MAP2K3: variants seen among roughly 807,000 people sequenced by gnomAD.
MAP2K3 encodes mitogen-activated protein kinase kinase 3.
A neutral mutation model predicts 46.4 loss-of-function variants in MAP2K3; 30 were observed. That is an observed-to-expected ratio of 0.65 (90% confidence interval 0.48 to 0.88). The LOEUF (loss-of-function observed/expected upper bound fraction) is 0.88, where lower values mean the gene tolerates loss of function less well. Among genes scored for constraint, MAP2K3 ranks in the 40% least tolerant of loss-of-function variants. MAP2K3 has a pLI of 0.00. For synonymous variants in MAP2K3, 189 were observed against 176.3 expected, an observed-to-expected ratio of 1.07 and a Z score of -0.57; for missense variants, 380 against 464.5, an observed-to-expected ratio of 0.82 and a Z score of 1.67.
chr17:21,311,608 C>CTGTGTGTGTGTGTGTG (rs34983762), intron 9 of MAP2K3: 1 of 143,666 alleles, frequency 7.0e-6, no homozygotes, highest in Admixed American at 7.0e-5. Context: ...TTGGAGACAG[C>CTGTGTGTGTGTGTGTG]TGTGTGTGTG....
At chr17:21,293,727 C>T (rs1402750069) in intron 1 of MAP2K3, among the ~76,000 whole-genome samples, 1 of 152,306 alleles carries the variant, frequency 6.6e-6, no homozygotes, top group African/African-American at 2.4e-5. Flanking sequence ...GTCACTCCTC[C>T]TCACCCTAGC....
chr17:21,291,666 G>A (rs1330924553), intron 1 of MAP2K3: 2 of 445,672 alleles, frequency 4.5e-6, no homozygotes, highest in Non-Finnish European at 4.5e-6. Flanking sequence ...GGAGCCTGGG[G>A]CCAGAGTCCC....
At position 21,303,212 on chromosome 17, in the gene MAP2K3, C is replaced by T; in HGVS notation, c.546C>T (p.Ser182=). Reference sequence around the variant, plus strand: ...TGCGGGCCCTGGAGCATCTGCACAGCAAGCTGTCGGTGATCCACAGAGGTC... The same window carrying T: ...TGCGGGCCCTGGAGCATCTGCACAGTAAGCTGTCGGTGATCCACAGAGGTC... ...SIVRALEHLH[S]KLSVIHRDVK... is the part of the protein sequence containing the mutation. The change falls in exon 7 of 12, where the codon AGC becomes AGT. Residue 182 remains serine (S), a synonymous_variant. Coordinates refer to ENST00000342679, the MANE Select transcript of MAP2K3 (RefSeq NM_145109.3). 6.2e-7 allele frequency: 1 copy of T among 1,614,220 alleles called. No individual in the cohort carries two copies. Among genetic ancestry groups the T allele is most frequent in the East Asian group, 2.2e-5 (1 of 44,894 alleles).
chr17:21,292,212 G>A (rs1975979460), intron 1 of MAP2K3, among the ~76,000 whole-genome samples: 2 of 152,302 alleles, frequency 1.3e-5, no homozygotes, highest in Admixed American at 6.5e-5. Flanking sequence ...TTCAGACAGA[G>A]GAGAGTGCTG....
intron 2 of MAP2K3, 123 bp downstream of exon 2, chr17:21,298,602 C>T: frequency 2.0e-6 from 3 of 1,497,486 alleles, no homozygotes; most frequent in Non-Finnish European, 2.8e-6. Flanking sequence ...TGGGCAGCCC[C>T]TGCTGTGCAT....
At chr17:21,302,382 C>G (rs1976657491) in intron 6 of MAP2K3, 123 bp downstream of exon 6, 1 of 1,103,708 alleles carries the variant, frequency 9.1e-7, no homozygotes, top group African/African-American at 1.5e-5. Context: ...CAATGTGCCC[C>G]CTGAACCTGG....
chr17:21,298,593 G>C, intron 2 of MAP2K3, 114 bp downstream of exon 2: 1 of 1,549,698 alleles, frequency 6.5e-7, no homozygotes, highest in Non-Finnish European at 8.9e-7. Context: ...GTCCTGTCCT[G>C]GGCAGCCCCT....
rs533929337 is a variant in MAP2K3 at position 21,290,091 on chromosome 17, G to A, written c.49+5122G>A. 3.3e-5 allele frequency among the ~76,000 whole-genome samples: 5 copies of A among 152,346 alleles called. 1 individual carries two copies. In the South Asian group the frequency reaches 1.0e-3, roughly 32 times the overall value. ...AAGGGCTTCCAAGGCCCGTCCCAAG[G>A]TTTACATGTGCCAGTGTGTGCGGTG... On this transcript the variant is annotated intron_variant, in intron 1 of 11. Transcript: ENST00000342679.
At chr17:21,290,267 C>T (rs1975850030) in intron 1 of MAP2K3, among the ~76,000 whole-genome samples, 1 of 152,150 alleles carries the variant, frequency 6.6e-6, no homozygotes, top group Admixed American at 6.5e-5. Flanking sequence ...CAGTTGGCAG[C>T]TGAGGCACAC....
Position 21,287,935 on chromosome 17 carries a change from G to A in MAP2K3, c.49+2966G>A, listed in dbSNP as rs926055158. The A allele has an allele frequency of 3.0e-5, 28 of 936,416 alleles. No homozygotes were observed. In the Admixed American group the frequency reaches 4.2e-4, roughly 14 times the overall value. 58.0% of individuals were successfully genotyped at this position (936,416 alleles called of 1,614,324 possible). A position where few individuals can be genotyped will look rare whatever the true frequency, so the allele number is the denominator to read the frequency against. Reference sequence around the variant, plus strand: ...GCCACCCCCCCAACCCCTGGCTGTCGGAAAGACTGGAGGTGGCACCTCGGG... The same window carrying A: ...GCCACCCCCCCAACCCCTGGCTGTCAGAAAGACTGGAGGTGGCACCTCGGG... On this transcript the variant is annotated intron_variant, in intron 1 of 11. Coordinates refer to ENST00000342679, the MANE Select transcript of MAP2K3 (RefSeq NM_145109.3).
At chr17:21,308,659 T>C (rs1182963666) in intron 9 of MAP2K3, among the ~76,000 whole-genome samples, 2 of 152,290 alleles carry the variant, frequency 1.3e-5, no homozygotes, top group Non-Finnish European at 2.9e-5. Flanking sequence ...GCAGGTGCTG[T>C]ATCTGCAATA....
rs35769673 is a variant in MAP2K3, at chr17:21,301,004, G to A, written c.399+11G>A. 3 of 291,664 alleles carry A rather than the reference G, an allele frequency of 1.0e-5. No individual in the cohort carries two copies. The highest frequency in any genetic ancestry group is 9.2e-6 in the Non-Finnish European group (2 of 217,618). The allele number at this position is 291,664 out of a possible 1,614,324, so 18.1% of individuals were successfully genotyped here. ...GCACTATTCAGAGAGGTGCGTCCTT[G>A]CATGATGCAGCTGGGGATCTCCACC... is the stretch of plus-strand genomic sequence containing the variant. On this transcript the variant is annotated intron_variant, in intron 5 of 11. Transcript: ENST00000342679.
At chr17:21,310,235 C>G (rs1977100677) in intron 9 of MAP2K3, among the ~76,000 whole-genome samples, 1 of 151,682 alleles carries the variant, frequency 6.6e-6, no homozygotes, top group African/African-American at 2.4e-5. Context: ...TCTCGAACCC[C>G]CGACCTCAAG....
intron 1 of MAP2K3, among the ~76,000 whole-genome samples, chr17:21,294,094 C>G (rs1424524540): frequency 5.9e-5 from 9 of 152,306 alleles, no homozygotes; most frequent in Non-Finnish European, 1.5e-5. Context: ...ACGCAAAAGC[C>G]TGTGCCCACT....
intron 1 of MAP2K3, among the ~76,000 whole-genome samples, chr17:21,292,949 C>A (rs55960874): frequency 3.1e-4 from 48 of 152,412 alleles, no homozygotes; most frequent in African/African-American, 1.2e-3. Context: ...GTTTCCCCAT[C>A]TGCAGCATGG....
chr17:21,290,653 A>G (rs943474094), intron 1 of MAP2K3, among the ~76,000 whole-genome samples: 3 of 152,312 alleles, frequency 2.0e-5, no homozygotes, highest in Admixed American at 6.5e-5. Flanking sequence ...GGTATGTCTC[A>G]TCATCAATCC....
At chr17:21,291,474 G>T (rs1310152388) in intron 1 of MAP2K3, 3 of 456,448 alleles carry the variant, frequency 6.6e-6, no homozygotes, top group Non-Finnish European at 1.3e-5. Flanking sequence ...GCAGGTGGCT[G>T]GCAATGGCCT....
At chr17:21,301,069 C>G (rs1976572742) in intron 5 of MAP2K3, 76 bp downstream of exon 5, 1 of 1,608,358 alleles carries the variant, frequency 6.2e-7, no homozygotes, top group African/African-American at 1.3e-5. Context: ...GTCACTCAGT[C>G]CCTCCAGTAC....
intron 1 of MAP2K3, among the ~76,000 whole-genome samples, chr17:21,291,008 C>T (rs138551330): frequency 0.013 from 1,962 of 151,596 alleles, 1 homozygote; most frequent in African/African-American, 0.042. Context: ...TTTGGGAGGC[C>T]GAGGCGGGTG....
Sources: allele counts gnomAD v4.1 joint callset (sites outside exome capture counted in the v4.1 genomes callset), GRCh38; gene constraint gnomAD v4.1.1; transcripts MANE v1.5; gene names NCBI Gene and HGNC (gene_info 2026-07-23, HGNC 2026-07-21).